TCFL5: variants seen among roughly 807,000 people sequenced by gnomAD.
TCFL5 encodes the protein transcription factor-like 5 protein.
In TCFL5, 9 loss-of-function variants were observed where a neutral mutation model predicts 44.3. The ratio of observed to expected loss-of-function variants is 0.20; its 90% CI spans 0.12 to 0.35. The LOEUF (loss-of-function observed/expected upper bound fraction) is 0.35. Ranked by LOEUF, TCFL5 falls within the 10% of genes least tolerant of loss-of-function variation. The pLI is 1.00. For missense variants in TCFL5, 603 were observed against 613.4 expected (o/e 0.98, Z 0.18); for synonymous variants, 319 against 271.6 (o/e 1.17, Z -1.72).
intron 5 of TCFL5, chr20:62,844,924 G>T (rs2063722678): frequency 1.0e-6 from 1 of 984,896 alleles, no homozygotes; most frequent in South Asian, 4.7e-5. Context: ...CTGAGTTGTA[G>T]TAACTTTCTA....
At chr20:62,847,307 C>G (rs568561243) in intron 5 of TCFL5, among the ~76,000 whole-genome samples, 1 of 151,510 alleles carries the variant, frequency 6.6e-6, no homozygotes, top group South Asian at 2.1e-4. Flanking sequence ...GATTAGAAAA[C>G]AACATAGACA....
In TCFL5 at chr20:62,842,622, CGTG is replaced by C. The variant is rs2063692563; in HGVS notation, c.1381-528_1381-526del. Among the ~76,000 whole-genome samples, 1 of 152,072 alleles carries C rather than the reference CGTG, an allele frequency of 6.6e-6. No individual in the cohort carries two copies. Among genetic ancestry groups the C allele is most frequent in the South Asian group, 2.1e-4 (1 of 4,830 alleles). On this transcript the variant is annotated intron_variant, in intron 5 of 5. Coordinates refer to ENST00000335351, the MANE Select transcript of TCFL5 (RefSeq NM_006602.4). The surrounding 1 kb of genome is among the most constrained non-coding windows in gnomAD (Gnocchi z 4.3). Reference sequence around the variant, plus strand: ...ACTAAAAATACAAAAATTAGCTGGGCGTGGTGGCAAGCATCTTGTGACCCCAGC... The same window carrying C: ...ACTAAAAATACAAAAATTAGCTGGGCGTGGCAAGCATCTTGTGACCCCAGC...
At chr20:62,848,770 G>T (rs1429691796) in intron 5 of TCFL5, among the ~76,000 whole-genome samples, 1 of 152,154 alleles carries the variant, frequency 6.6e-6, no homozygotes, top group Admixed American at 6.5e-5. Flanking sequence ...GGGTGTGGTG[G>T]CTCAGGCCTG....
Position 62,853,996 on chromosome 20 carries a change from C to A in TCFL5, c.1380+20G>T. 6.2e-7 allele frequency: 1 copy of A among 1,608,514 alleles called. No homozygotes were observed. The highest frequency in any genetic ancestry group is 8.5e-7 in the Non-Finnish European group (1 of 1,177,272). On this transcript the variant is annotated intron_variant, in intron 5 of 5. Coordinates refer to ENST00000335351, the MANE Select transcript of TCFL5 (RefSeq NM_006602.4). ...GTAAAATTTGTAAAATTCTGAAAAT[C>A]TACCTGGCCTACCACTAACCTTTTT...
intron 3 of TCFL5, among the ~76,000 whole-genome samples, chr20:62,858,155 C>T (rs995455510): frequency 6.6e-6 from 1 of 152,202 alleles, no homozygotes; most frequent in Non-Finnish European, 1.5e-5. Flanking sequence ...TGTGTGTGTG[C>T]CCTCGCCGCA....
chr20:62,851,304 T>A (rs2063806500), intron 5 of TCFL5, among the ~76,000 whole-genome samples: 1 of 152,178 alleles, frequency 6.6e-6, no homozygotes, highest in Non-Finnish European at 1.5e-5. Flanking sequence ...GTAATTACAT[T>A]TAAGAAATAT....
In TCFL5 at chr20:62,861,458, G is replaced by C; in HGVS notation, c.213C>G (p.Gly71=). The C allele has an allele frequency of 1.7e-6, 2 of 1,179,190 alleles. No homozygotes were observed. The highest frequency in any genetic ancestry group is 1.1e-6 in the Non-Finnish European group (1 of 941,182). The allele number at this position is 1,179,190 out of a possible 1,614,324, so 73.0% of individuals were successfully genotyped here. The change falls in exon 1 of 6, where the codon GGC becomes GGG. Residue 71 remains glycine (G), a synonymous_variant. Transcript: ENST00000335351. The surrounding 1 kb of genome is among the most constrained non-coding windows in gnomAD (Gnocchi z 4.0). Reference sequence around the variant, plus strand: ...CCGAGTTGAGGCGCGTCTCGAGCTCGCCGTCAGCCGCCGCCTCCATGTGCG... The same window carrying C: ...CCGAGTTGAGGCGCGTCTCGAGCTCCCCGTCAGCCGCCGCCTCCATGTGCG... ...LCSHMEAAAD[G]ELETRLNSAL... is the part of the protein sequence containing the mutation.
At chr20:62,855,320 A>C (rs1178727193) in intron 4 of TCFL5, among the ~76,000 whole-genome samples, 2 of 152,066 alleles carry the variant, frequency 1.3e-5, no homozygotes, top group East Asian at 3.9e-4. Context: ...CAACACCACC[A>C]CTACTAGTAT....
At chr20:62,856,609 G>T (rs1256093924) in intron 4 of TCFL5, among the ~76,000 whole-genome samples, 3 of 151,340 alleles carry the variant, frequency 2.0e-5, no homozygotes, top group Non-Finnish European at 4.4e-5. Flanking sequence ...AGGAGGCTGA[G>T]GCAGGAGAAC....
intron 5 of TCFL5, chr20:62,845,512 T>C: frequency 7.0e-7 from 1 of 1,427,380 alleles, no homozygotes; most frequent in Admixed American, 2.9e-5. Flanking sequence ...AAAGCCTACA[T>C]ATAAAAAACA....
chr20:62,858,014 AACC>A (rs201427485), intron 3 of TCFL5, among the ~76,000 whole-genome samples: 2,068 of 152,230 alleles, frequency 0.014, 36 homozygotes, highest in African/African-American at 0.047. Context: ...AACAACAACA[AACC>A]ACCTGGACAT....
intron 5 of TCFL5, among the ~76,000 whole-genome samples, chr20:62,844,579 T>TC (rs1197197579): frequency 4.8e-5 from 6 of 124,980 alleles, no homozygotes; most frequent in African/African-American, 2.4e-4. Context: ...TTGTTTGTTT[T>TC]TTGTTTTTTT....
chr20:62,852,569 A>C (rs2063824968), intron 5 of TCFL5: 1 of 985,384 alleles, frequency 1.0e-6, no homozygotes, highest in South Asian at 4.7e-5. Context: ...GGATCACGGC[A>C]GGCTGGCTGT....
At chr20:62,860,937 G>A (rs2063990414) in intron 1 of TCFL5, 87 bp downstream of exon 1, 1 of 950,614 alleles carries the variant, frequency 1.1e-6, no homozygotes, top group Non-Finnish European at 1.3e-6. Context: ...CGTGCACAGC[G>A]AGGGCCCCCT....
chr20:62,843,165 G>A (rs1223496393), intron 5 of TCFL5, among the ~76,000 whole-genome samples: 1 of 152,154 alleles, frequency 6.6e-6, no homozygotes, highest in East Asian at 1.9e-4. Context: ...AAGGAAGGGG[G>A]AACTATTACG....
At chr20:62,858,362 G>C (rs905347069) in intron 3 of TCFL5, among the ~76,000 whole-genome samples, 1 of 152,252 alleles carries the variant, frequency 6.6e-6, no homozygotes, top group African/African-American at 2.4e-5. Context: ...TTCAGCAGGA[G>C]AGAGAGGAAT....
chr20:62,861,404 T>C lies in TCFL5; in HGVS notation c.267A>G (p.Ala89=). 1.8e-6 allele frequency: 2 copies of C among 1,094,292 alleles called. No individual in the cohort carries two copies. Among genetic ancestry groups the C allele is most frequent in the Non-Finnish European group, 1.1e-6 (1 of 902,118 alleles). The allele number at this position is 1,094,292 out of a possible 1,614,324, so 67.8% of individuals were successfully genotyped here. ...CGCCCGCCGCGAAGCCGCCCGCGCC[T>C]GCGCCCGGGCCCGCCGCCGCCAGCA... ...SALLAAAGPG[A]GAGGFAAGGQ... is the part of the protein sequence containing the mutation. The change falls in exon 1 of 6, where the codon GCA becomes GCG. Residue 89 remains alanine (A), a synonymous_variant. Coordinates refer to ENST00000335351, the MANE Select transcript of TCFL5 (RefSeq NM_006602.4). This position sits in a 1 kb window ranked among gnomAD's most constrained non-coding sequence, Gnocchi z 4.0.
At chr20:62,851,885 T>C (rs553588924) in intron 5 of TCFL5, 67 of 938,276 alleles carry the variant, frequency 7.1e-5, no homozygotes, top group East Asian at 1.2e-4. Flanking sequence ...TCTTGGCTCA[T>C]TGCAACCTCC....
At chr20:62,853,691 G>A (rs2063846343) in intron 5 of TCFL5, among the ~76,000 whole-genome samples, 1 of 152,048 alleles carries the variant, frequency 6.6e-6, no homozygotes, top group South Asian at 2.1e-4. Context: ...CCTTTCACAA[G>A]TTTTTCTGAG....
Sources: gnomAD v4.1 joint callset for allele counts (sites outside exome capture counted in the v4.1 genomes callset) on GRCh38, gnomAD v4.1.1 for gene constraint, Gnocchi (gnomAD v3.1) non-coding constraint, MANE v1.5 for transcripts, NCBI Gene and HGNC (gene_info 2026-07-23, HGNC 2026-07-21) for gene names.